POMGNT1: variants seen among roughly 807,000 people sequenced by gnomAD.
POMGNT1 encodes protein O-linked mannose N-acetylglucosaminyltransferase 1 (beta 1,2-), also known as protein O-linked-mannose beta-1,2-N-acetylglucosaminyltransferase 1.
A neutral mutation model predicts 95.6 loss-of-function variants in POMGNT1; 67 were observed. That is an observed-to-expected ratio of 0.70 (90% CI 0.58 to 0.86). POMGNT1 has a LOEUF of 0.86. POMGNT1 is among the 40% of genes least tolerant of loss of function. POMGNT1 has a pLI of 0.00. For missense variants in POMGNT1, 719 were observed against 855.2 expected (o/e 0.84, Z 1.99); for synonymous variants, 298 against 317.9 (o/e 0.94, Z 0.66).
In POMGNT1 at chr1:46,197,097, G is replaced by T. The variant is rs1445422068; in HGVS notation, c.121-13C>A. Reference sequence around the variant, plus strand: ...GCACGGCCCCTGTCTGAGGGGAGGGGTAGGGATGATTAAGAGGAGCACCTC... The same window carrying T: ...GCACGGCCCCTGTCTGAGGGGAGGGTTAGGGATGATTAAGAGGAGCACCTC... On this transcript the variant is annotated splice_polypyrimidine_tract_variant and intron_variant, in intron 2 of 21. Transcript: ENST00000371984. 3 of 1,614,100 alleles carry T rather than the reference G, an allele frequency of 1.9e-6. No individual in the cohort carries two copies. The Admixed American group carries it at 5.0e-5, about 27-fold the overall frequency.
chr1:46,206,475 A>G (rs1392655837), intron 1 of POMGNT1, among the ~76,000 whole-genome samples: 1 of 152,008 alleles, frequency 6.6e-6, no homozygotes, highest in African/African-American at 2.4e-5. Context: ...TGTTAAGGAG[A>G]GGAGTAGGGA....
chr1:46,207,270 G>A (rs777824529), intron 1 of POMGNT1, among the ~76,000 whole-genome samples: 1 of 151,992 alleles, frequency 6.6e-6, no homozygotes, highest in Non-Finnish European at 1.5e-5. Context: ...TAGTAGAGAC[G>A]GGATTTTGCC....
intron 1 of POMGNT1, among the ~76,000 whole-genome samples, chr1:46,213,184 A>T (rs1658957096): frequency 6.6e-6 from 1 of 151,708 alleles, no homozygotes; most frequent in Non-Finnish European, 1.5e-5. Flanking sequence ...TTCAGTCATC[A>T]TACGACCAAA....
intron 11 of POMGNT1, 64 bp downstream of exon 11, chr1:46,193,500 T>C: frequency 6.2e-7 from 1 of 1,613,614 alleles, no homozygotes; most frequent in Non-Finnish European, 8.5e-7. Context: ...CCCTTGCCCG[T>C]CCCTGGCAAT....
At chr1:46,210,758 C>T (rs1658868018) in intron 1 of POMGNT1, among the ~76,000 whole-genome samples, 1 of 152,102 alleles carries the variant, frequency 6.6e-6, no homozygotes, top group Non-Finnish European at 1.5e-5. Flanking sequence ...TGGACGCTCT[C>T]TGAATCCTGT....
intron 1 of POMGNT1, among the ~76,000 whole-genome samples, chr1:46,205,613 CTT>C (rs1183540821): frequency 6.6e-6 from 1 of 152,210 alleles, no homozygotes; most frequent in Non-Finnish European, 1.5e-5. Flanking sequence ...TATCTGTAAA[CTT>C]TAAGGGGCTG....
rs977175778 is a variant in POMGNT1, at chr1:46,193,570, G to A, written c.1020C>T (p.Tyr340=). ...PQMITVFIDG[Y]YEEPMDVVAL... is the part of the protein sequence containing the mutation. The stretch of plus-strand genomic sequence containing the variant: ...CCCCCCAAGTCCTGCTCACCTCATA[G>A]TAGCCGTCAATGAAAACTGTTATCA... Residue 340 remains tyrosine, a synonymous_variant, in exon 11 of 22, where the codon TAC becomes TAT. Transcript: ENST00000371984. 1 of 1,614,156 alleles carries A rather than the reference G, an allele frequency of 6.2e-7. No individual in the cohort carries two copies. Among genetic ancestry groups the A allele is most frequent in the Non-Finnish European group, 8.5e-7 (1 of 1,180,002 alleles).
At chr1:46,194,811 T>C in intron 7 of POMGNT1, 33 bp downstream of exon 7, 1 of 1,613,674 alleles carries the variant, frequency 6.2e-7, no homozygotes, top group Non-Finnish European at 8.5e-7. Context: ...AGGCTCTTGA[T>C]ACTACAGAGT....
At chr1:46,197,994 G>T (rs745424172) in intron 1 of POMGNT1, 123 bp from the exon 2 acceptor site, 50 of 960,836 alleles carry the variant, frequency 5.2e-5, no homozygotes, top group African/African-American at 1.2e-4. Flanking sequence ...TGTGACATGG[G>T]GAAAGTGGCT....
At position 46,193,911 on chromosome 1, in the gene POMGNT1, CTTG is replaced by C. The variant is rs1657998246; in HGVS notation, c.891_893del (p.Asn297del). The C allele has an allele frequency of 6.2e-7, 1 of 1,614,038 alleles. No homozygotes were observed. Among genetic ancestry groups the C allele is most frequent in the Admixed American group, 1.7e-5 (1 of 60,004 alleles). ...TGACAGCCACAGGCACATTGAGGAC[CTTG>C]TTGTCTGGGAGCTGTGGGAGAAATA... On this transcript the variant is annotated inframe_deletion, in exon 10 of 22. Transcript: ENST00000371984.
intron 2 of POMGNT1, 70 bp downstream of exon 2, chr1:46,197,632 G>GTGCC: frequency 3.7e-6 from 6 of 1,605,694 alleles, no homozygotes; most frequent in Non-Finnish European, 5.1e-6. Context: ...AGGGGTCCCA[G>GTGCC]TGCCTGATTT....
intron 11 of POMGNT1, 85 bp from the exon 12 acceptor site, chr1:46,193,473 C>T: frequency 6.2e-7 from 1 of 1,610,264 alleles, no homozygotes. Flanking sequence ...ATTTCACAGC[C>T]CTTGCCTGGG....
Position 46,195,645 on chromosome 1 carries a change from A to G in POMGNT1, c.534+166T>C, listed in dbSNP as rs371721181. On this transcript the variant is annotated intron_variant, in intron 6 of 21. Coordinates refer to ENST00000371984, the MANE Select transcript of POMGNT1 (RefSeq NM_017739.4). Reference sequence around the variant, plus strand: ...GTACCTGGCATACAGCTGTTGCTCAATAACTATTTGCTGAATTAATACAAA... The same window carrying G: ...GTACCTGGCATACAGCTGTTGCTCAGTAACTATTTGCTGAATTAATACAAA... 6 of 737,096 alleles carry G rather than the reference A, an allele frequency of 8.1e-6. No individual in the cohort carries two copies. In the East Asian group the frequency reaches 1.1e-4, roughly 13 times the overall value. 45.7% of individuals were successfully genotyped at this position (737,096 alleles called of 1,614,324 possible).
chr1:46,193,977 A>T (rs112788009), intron 9 of POMGNT1, 52 bp from the exon 10 acceptor site: 4 of 1,606,624 alleles, frequency 2.5e-6, no homozygotes, highest in African/African-American at 2.7e-5. Context: ...TCAAACTGGG[A>T]TCCCCACCTA....
At chr1:46,214,867 C>CA (rs5773905) in intron 1 of POMGNT1, among the ~76,000 whole-genome samples, 71,926 of 88,772 alleles carry the variant, frequency 0.81, 30,136 homozygotes, top group Middle Eastern at 0.9. Flanking sequence ...GACTCCATCT[C>CA]AAAAAAAAAA....
chr1:46,190,891 G>A, intron 17 of POMGNT1, 107 bp from the exon 18 acceptor site: 11 of 1,042,726 alleles, frequency 1.1e-5, no homozygotes, highest in South Asian at 2.6e-5. Context: ...TCCTAGACCT[G>A]TAAAGAGCCC....
Position 46,194,951 on chromosome 1 carries a change from G to A in POMGNT1, c.545C>T (p.Ser182Phe). The change falls in exon 7 of 22, where the codon TCC becomes TTC. Residue 182 changes from serine (S) to phenylalanine (F), a missense_variant. Ser to Phe is a radical substitution (Grantham distance 155). This residue lies in a region of POMGNT1 where 466 missense variants were observed against 517.4 expected (regional missense o/e 0.90). Coordinates refer to ENST00000371984, the MANE Select transcript of POMGNT1 (RefSeq NM_017739.4). ...VLICTVKDEG[S>F]FHLKDTAKAL... The stretch of plus-strand genomic sequence containing the variant: ...CTTGGCTGTGTCCTTGAGGTGGAAG[G>A]AGCCCTCATCCTGGGGGACCAGAGA... 6.2e-7 allele frequency: 1 copy of A among 1,614,106 alleles called. No homozygotes were observed. The highest frequency in any genetic ancestry group is 8.5e-7 in the Non-Finnish European group (1 of 1,180,044).
chr1:46,201,599 T>C (rs1658533536), upstream of POMGNT1, among the ~76,000 whole-genome samples: 1 of 148,222 alleles, frequency 6.7e-6, no homozygotes, highest in South Asian at 2.1e-4. Flanking sequence ...CTCAGGAGGC[T>C]GAGGCAGGAG....
In POMGNT1 at chr1:46,193,903, T is replaced by C. The variant is rs754653320; in HGVS notation, c.902A>G (p.Asn301Ser). Residue 301 changes from asparagine to serine, a missense_variant, in exon 10 of 22, where the codon AAT becomes AGT. Physicochemically the swap from Asn to Ser is conservative, Grantham distance 46 (BLOSUM62 1). Transcript: ENST00000371984. ...PDPLPDNKVL[N>S]VPVAVIAGNR... ...CCCTGCAATGACAGCCACAGGCACA[T>C]TGAGGACCTTGTTGTCTGGGAGCTG... The C allele has an allele frequency of 7.0e-5, 113 of 1,614,152 alleles. 1 individual carries two copies. The highest frequency in any genetic ancestry group is 5.3e-4 in the South Asian group (48 of 91,066).
Sources: gnomAD v4.1 joint callset for allele counts (sites outside exome capture counted in the v4.1 genomes callset) on GRCh38, gnomAD v4.1.1 for gene constraint, gnomAD v4.1.1 regional missense constraint, MANE v1.5 for transcripts, NCBI Gene and HGNC (gene_info 2026-07-23, HGNC 2026-07-21) for gene names.